Variants in RNF220 observed in about 807,000 individuals in gnomAD.
RNF220 encodes the protein ring finger protein 220.
Under a neutral mutation model 67.1 loss-of-function variants are expected in RNF220, and 7 were observed. The observed-to-expected ratio is 0.10, with a 90% CI of 0.06 to 0.20. The LOEUF (loss-of-function observed/expected upper bound fraction) is 0.20. Ranked by LOEUF, RNF220 falls within the 10% of genes least tolerant of loss-of-function variation. The pLI is 1.00. For missense variants in RNF220, 565 were observed against 740.3 expected (o/e 0.76, Z 2.75); for synonymous variants, 270 against 283.2 (o/e 0.95, Z 0.47).
At chr1:44,584,851 G>A (rs922690351) in intron 2 of RNF220, among the ~76,000 whole-genome samples, 5 of 152,036 alleles carry the variant, frequency 3.3e-5, no homozygotes, top group African/African-American at 7.2e-5. Context: ...GGTGCCTGCC[G>A]CCACGCCTGG....
At chr1:44,572,120 G>A (rs1193074545) in intron 2 of RNF220, among the ~76,000 whole-genome samples, 1 of 152,236 alleles carries the variant, frequency 6.6e-6, no homozygotes, top group African/African-American at 2.4e-5. Flanking sequence ...TGGAGTCAGA[G>A]ATAATATCCA....
intron 5 of RNF220, among the ~76,000 whole-genome samples, chr1:44,631,225 G>T (rs1410816823): frequency 6.6e-6 from 1 of 152,256 alleles, no homozygotes; most frequent in African/African-American, 2.4e-5. Context: ...GCGCAGAGAT[G>T]AATGTACTCT....
chr1:44,418,423 C>G (rs776036499), intron 2 of RNF220, among the ~76,000 whole-genome samples: 1 of 152,130 alleles, frequency 6.6e-6, no homozygotes, highest in Non-Finnish European at 1.5e-5. Context: ...TAAAAATGTT[C>G]CGGGGAATGT....
At chr1:44,445,368 C>T (rs982645952) in intron 2 of RNF220, among the ~76,000 whole-genome samples, 1 of 152,080 alleles carries the variant, frequency 6.6e-6, no homozygotes, top group Admixed American at 6.5e-5. Flanking sequence ...TAAGAGAAAC[C>T]CTGTTGTTGT....
chr1:44,460,831 C>T (rs977272247), intron 2 of RNF220, among the ~76,000 whole-genome samples: 5 of 152,208 alleles, frequency 3.3e-5, no homozygotes, highest in Non-Finnish European at 4.4e-5. Flanking sequence ...GACTGGGACA[C>T]GTGTGGAACA....
At chr1:44,434,102 A>C (rs1309942809) in intron 2 of RNF220, among the ~76,000 whole-genome samples, 2 of 152,208 alleles carry the variant, frequency 1.3e-5, no homozygotes, top group Non-Finnish European at 2.9e-5. Context: ...TGCTGTGTCA[A>C]ATATGTTCCT....
At chr1:44,627,603 A>AG (rs1016881451) in intron 5 of RNF220, among the ~76,000 whole-genome samples, 11 of 152,130 alleles carry the variant, frequency 7.2e-5, no homozygotes, top group African/African-American at 2.4e-4. Context: ...GTCTAAGGAG[A>AG]GGCAGAGCCC....
chr1:44,413,204 C>T (rs1648160401), intron 2 of RNF220, among the ~76,000 whole-genome samples: 1 of 152,186 alleles, frequency 6.6e-6, no homozygotes, highest in Non-Finnish European at 1.5e-5. Flanking sequence ...CAACTCTCAG[C>T]CCTTGTCCAC....
intron 1 of RNF220, among the ~76,000 whole-genome samples, chr1:44,410,231 A>G (rs1258662203): frequency 9.9e-5 from 15 of 152,172 alleles, no homozygotes; most frequent in Admixed American, 9.2e-4. Context: ...TTGTTGATAG[A>G]TAAGTAGCTA....
chr1:44,549,761 G>A (rs1291469513), intron 2 of RNF220, among the ~76,000 whole-genome samples: 1 of 152,196 alleles, frequency 6.6e-6, no homozygotes, highest in Non-Finnish European at 1.5e-5. Flanking sequence ...CCAAGCTGCA[G>A]GGGCCGCCTG....
chr1:44,425,727 G>A (rs532507456), intron 2 of RNF220, among the ~76,000 whole-genome samples: 1 of 152,318 alleles, frequency 6.6e-6, no homozygotes, highest in East Asian at 1.9e-4. Flanking sequence ...GGGTTGCTGA[G>A]TAAATAGATA....
At chr1:44,602,433 G>A (rs1418501558) in intron 2 of RNF220, among the ~76,000 whole-genome samples, 1 of 152,130 alleles carries the variant, frequency 6.6e-6, no homozygotes, top group Non-Finnish European at 1.5e-5. Flanking sequence ...CGGGGAAAGT[G>A]AGTAGAGAGA....
intron 2 of RNF220, among the ~76,000 whole-genome samples, chr1:44,522,689 C>A (rs892869654): frequency 6.6e-6 from 1 of 152,156 alleles, no homozygotes; most frequent in Non-Finnish European, 1.5e-5. Context: ...TTGATGTCAC[C>A]TTCCCAAAAG....
chr1:44,574,609 G>T (rs896659451), intron 2 of RNF220, among the ~76,000 whole-genome samples: 1 of 152,168 alleles, frequency 6.6e-6, no homozygotes, highest in Non-Finnish European at 1.5e-5. Context: ...TTTTGTGAGG[G>T]TAAAGGAGTA....
At chr1:44,407,772 G>A (rs114575973) in intron 1 of RNF220, among the ~76,000 whole-genome samples, 8,296 of 152,298 alleles carry the variant, frequency 0.054, 294 homozygotes, top group African/African-American at 0.088. Flanking sequence ...GTATTTGCAG[G>A]AGAAGCGGGA....
intron 2 of RNF220, among the ~76,000 whole-genome samples, chr1:44,569,292 G>A (rs540556092): frequency 7.9e-5 from 12 of 152,080 alleles, no homozygotes; most frequent in Admixed American, 1.3e-4. Context: ...GGAGAAAATC[G>A]CCTCATTCAT....
intron 2 of RNF220, among the ~76,000 whole-genome samples, chr1:44,476,112 T>G (rs1319910542): frequency 6.6e-6 from 1 of 152,060 alleles, no homozygotes; most frequent in Non-Finnish European, 1.5e-5. Flanking sequence ...ATATATTGCT[T>G]AAGAACATAT....
intron 2 of RNF220, among the ~76,000 whole-genome samples, chr1:44,415,396 G>A (rs972318291): frequency 2.0e-5 from 3 of 151,938 alleles, no homozygotes; most frequent in Non-Finnish European, 4.4e-5. Context: ...GGGCAGTGAC[G>A]GGGTATGGGG....
intron 2 of RNF220, among the ~76,000 whole-genome samples, chr1:44,499,095 C>T (rs1046683249): frequency 1.4e-4 from 21 of 152,154 alleles, no homozygotes; most frequent in African/African-American, 5.1e-4. Context: ...ATTGACCCTG[C>T]CTGCCTTTCA....
Sources: allele counts gnomAD v4.1 joint callset (sites outside exome capture counted in the v4.1 genomes callset), GRCh38; gene constraint gnomAD v4.1.1; transcripts MANE v1.5; gene names NCBI Gene and HGNC (gene_info 2026-07-23, HGNC 2026-07-21).